The following TSEN15 variants were observed in gnomAD, a reference collection of about 807,000 sequenced individuals.
The protein encoded by TSEN15 is tRNA-splicing endonuclease subunit Sen15.
Under a neutral mutation model 20.5 loss-of-function variants are expected in TSEN15, and 10 were observed. That is an observed-to-expected ratio of 0.49 (90% CI 0.30 to 0.83). The LOEUF is 0.83. Ranked by LOEUF, TSEN15 falls within the 40% of genes least tolerant of loss-of-function variation. The pLI is 0.06. For synonymous variants in TSEN15, 72 were observed against 80.1 expected, an observed-to-expected ratio of 0.90 and a Z score of 0.54; for missense variants, 180 against 218.6, an observed-to-expected ratio of 0.82 and a Z score of 1.11.
At chr1:184,083,149 T>A (rs568378319) in intron 3 of TSEN15, among the ~76,000 whole-genome samples, 143 of 152,280 alleles carry the variant, frequency 9.4e-4, no homozygotes, top group Non-Finnish European at 1.7e-3. Flanking sequence ...ATTCAAATAT[T>A]CATAAATGGA....
intron 3 of TSEN15, among the ~76,000 whole-genome samples, chr1:184,079,770 G>T (rs1052955519): frequency 1.3e-5 from 2 of 152,070 alleles, no homozygotes; most frequent in East Asian, 3.8e-4. Flanking sequence ...AATTTGAAGG[G>T]TACATAATGC....
intron 2 of TSEN15, 91 bp from the exon 3 acceptor site, chr1:184,054,637 T>C: frequency 7.0e-7 from 1 of 1,426,076 alleles, no homozygotes; most frequent in Non-Finnish European, 9.5e-7. Context: ...TTACGAGTGA[T>C]ATTTGCTCAG....
In TSEN15 at chr1:184,054,379, T is replaced by C. The variant is rs2102877193; in HGVS notation, c.161T>C (p.Ile54Thr). Residue 54 changes from isoleucine to threonine, a missense_variant, in exon 2 of 5, where the codon ATA (isoleucine) becomes ACA (threonine). Ile to Thr is a moderately conservative substitution (Grantham distance 89). Coordinates refer to ENST00000645668, the MANE Select transcript of TSEN15 (RefSeq NM_052965.4). Reference protein sequence around the residue: ...PKYLEMMELDIGDATQVYVAF... With the variant: ...PKYLEMMELDTGDATQVYVAF... The stretch of plus-strand genomic sequence containing the variant: ...TATCTAGAAATGATGGAATTAGATA[T>C]AGGAGATGCCACCCAAGTTTATGTA... The C allele has an allele frequency of 6.2e-7, 1 of 1,605,462 alleles. No homozygotes were observed. The highest frequency in any genetic ancestry group is 8.5e-7 in the Non-Finnish European group (1 of 1,172,700).
At chr1:184,068,598 C>T (rs1650776063) in intron 3 of TSEN15, among the ~76,000 whole-genome samples, 2 of 152,108 alleles carry the variant, frequency 1.3e-5, no homozygotes, top group Admixed American at 6.5e-5. Flanking sequence ...TCAGTAAACC[C>T]CCTTGGAATT....
At chr1:184,072,489 T>C (rs1230810696) in intron 4 of TSEN15, 191 bp downstream of exon 4, 6 of 585,984 alleles carry the variant, frequency 1.0e-5, no homozygotes, top group Non-Finnish European at 1.7e-5. Context: ...TTCCTAGTTA[T>C]TTTTGCAAAA....
rs145083352 is a variant in TSEN15 at position 184,054,583 on chromosome 1, C to T, written c.218-145C>T. 1.6e-3 allele frequency: 1,813 copies of T among 1,158,638 alleles called. 13 individuals are homozygous for T. Among genetic ancestry groups the T allele is most frequent in the African/African-American group, 7.1e-3 (457 of 64,546 alleles). The allele number at this position is 1,158,638 out of a possible 1,614,324, so 71.8% of individuals were successfully genotyped here. On this transcript the variant is annotated intron_variant, in intron 2 of 4. Coordinates refer to ENST00000645668, the MANE Select transcript of TSEN15 (RefSeq NM_052965.4). ...ATTTATTTATTTACATTGGGAATTA[C>T]TGAGTAACAGAAGCTACTAGAAAAG...
chr1:184,095,626 C>T (rs1487618876), intron 3 of TSEN15: 1 of 376,976 alleles, frequency 2.7e-6, no homozygotes, highest in Non-Finnish European at 4.6e-6. Flanking sequence ...CTATCTCTCT[C>T]CCCCTTCTCT....
chr1:184,054,609 C>T (rs898671057), intron 2 of TSEN15, 119 bp from the exon 3 acceptor site: 1 of 1,311,422 alleles, frequency 7.6e-7, no homozygotes, highest in African/African-American at 1.5e-5. Context: ...ACTAGAAAAG[C>T]AAAGACAGGA....
rs548225646 is a variant in TSEN15, at chr1:184,080,402, T to C, written c.354-15288T>C. Among the ~76,000 whole-genome samples the C allele has an allele frequency of 6.6e-5, 10 of 152,286 alleles. No homozygotes were observed. The South Asian group carries it at 2.1e-3, about 32-fold the overall frequency. ...TGCAGATTAGATCCAGGTCTCCTGA[T>C]ACCTAGCACTGTATTGTTTTCAGAA... is the stretch of plus-strand genomic sequence containing the variant. On this transcript the variant is annotated intron_variant, in intron 3 of 3. Transcript: ENST00000643231.
chr1:184,054,520 A>C, intron 2 of TSEN15, 85 bp downstream of exon 2: 4 of 1,220,482 alleles, frequency 3.3e-6, no homozygotes, highest in South Asian at 1.3e-5. Flanking sequence ...TTCTTAACAT[A>C]ATAAGCAATC....
At position 184,074,096 on chromosome 1, in the gene TSEN15, CAAAGT is replaced by C. The variant is rs1001687665; in HGVS notation, c.*1253_*1257del. On this transcript the variant is annotated 3_prime_UTR_variant, in exon 5 of 5. Transcript: ENST00000645668. ...GACCAAGCATATGATAAAAAGATAA[CAAAGT>C]AAATCAAATTACTAACTGGTTATAG... 6 of 151,900 alleles carry C rather than the reference CAAAGT, an allele frequency of 3.9e-5. No individual in the cohort carries two copies. The highest frequency in any genetic ancestry group is 1.4e-4 in the African/African-American group (6 of 41,388). 9.4% of individuals were successfully genotyped at this position (151,900 alleles called of 1,614,324 possible). A position where few individuals can be genotyped will look rare whatever the true frequency, so the allele number is the denominator to read the frequency against.
At chr1:184,062,405 A>AG (rs1203629805) in intron 3 of TSEN15, among the ~76,000 whole-genome samples, 1 of 152,134 alleles carries the variant, frequency 6.6e-6, no homozygotes, top group African/African-American at 2.4e-5. Context: ...GAGATGAAAG[A>AG]GATCTGATGG....
At position 184,090,185 on chromosome 1, in the gene TSEN15, C is replaced by A. The variant is rs1212439078; in HGVS notation, c.354-5505C>A. On this transcript the variant is annotated intron_variant, in intron 3 of 3. Transcript: ENST00000643231. ...CATACACCACAACATGGGTGACTCA[C>A]AAAACACTCTGCTGAATGAGGGAAG... Among the ~76,000 whole-genome samples, 8 of 152,172 alleles carry A rather than the reference C, an allele frequency of 5.3e-5. 1 individual carries two copies. Among genetic ancestry groups the A allele is most frequent in the African/African-American group, 1.4e-4 (6 of 41,434 alleles).
rs1265113474 is a variant in TSEN15, at chr1:184,051,812, C to T, written c.57C>T (p.Gly19=). The T allele has an allele frequency of 6.5e-6, 10 of 1,541,714 alleles. No individual in the cohort carries two copies. Among genetic ancestry groups the T allele is most frequent in the Non-Finnish European group, 8.7e-6 (10 of 1,144,142 alleles). ...PTPGCSGLGP[G]GVRGFGDGGG... is the part of the protein sequence containing the mutation. ...CCGGCTGCAGCGGCCTGGGTCCGGG[C>T]GGTGTTCGCGGCTTTGGCGACGGCG... The change falls in exon 1 of 5, where the codon GGC becomes GGT. Residue 19 remains glycine, a synonymous_variant. Transcript: ENST00000645668.
intron 3 of TSEN15, among the ~76,000 whole-genome samples, chr1:184,066,819 A>G (rs1445106659): frequency 2.0e-5 from 3 of 152,192 alleles, no homozygotes; most frequent in African/African-American, 4.8e-5. Flanking sequence ...CAGCTTGTCA[A>G]TATCTACAAA....
intron 3 of TSEN15, among the ~76,000 whole-genome samples, chr1:184,090,944 G>A (rs1651345736): frequency 6.6e-6 from 1 of 152,146 alleles, no homozygotes; most frequent in African/African-American, 2.4e-5. Context: ...ATTGGAGAGG[G>A]AGGGCTGAGG....
At chr1:184,055,035 G>C in intron 3 of TSEN15, 172 bp downstream of exon 3, 1 of 675,366 alleles carries the variant, frequency 1.5e-6, no homozygotes, top group Non-Finnish European at 2.3e-6. Context: ...TTCTTGCATT[G>C]CTATAAAGAA....
At chr1:184,062,761 TC>T (rs983753806) in intron 3 of TSEN15, among the ~76,000 whole-genome samples, 1 of 151,878 alleles carries the variant, frequency 6.6e-6, no homozygotes, top group Non-Finnish European at 1.5e-5. Flanking sequence ...TGTTTTTTTT[TC>T]CCCCTCATAG....
chr1:184,092,131 T>C (rs956438643), intron 3 of TSEN15, among the ~76,000 whole-genome samples: 1 of 152,214 alleles, frequency 6.6e-6, no homozygotes, highest in Non-Finnish European at 1.5e-5. Flanking sequence ...TGGCTATTAC[T>C]TATTGTATTC....
Sources: allele counts gnomAD v4.1 joint callset (sites outside exome capture counted in the v4.1 genomes callset), GRCh38; gene constraint gnomAD v4.1.1; transcripts MANE v1.5; gene names NCBI Gene and HGNC (gene_info 2026-07-23, HGNC 2026-07-21).